KCNQ5: variants seen among roughly 807,000 people sequenced by gnomAD.
The protein encoded by KCNQ5 is potassium voltage-gated channel subfamily Q member 5.
Under a neutral mutation model 98.2 loss-of-function variants are expected in KCNQ5, and 30 were observed. The observed-to-expected ratio is 0.31, with a 90% confidence interval of 0.23 to 0.41. KCNQ5 has a LOEUF of 0.41. Among genes scored for constraint, KCNQ5 ranks in the 10% least tolerant of loss-of-function variants. The pLI, the probability that KCNQ5 is intolerant of heterozygous loss-of-function variation, is 1.00. For missense variants in KCNQ5, 835 were observed against 1,182.5 expected (o/e 0.71, Z 4.31); for synonymous variants, 458 against 449.4 (o/e 1.02, Z -0.24).
chr6:72,784,464 A>G (rs184767412), intron 1 of KCNQ5, among the ~76,000 whole-genome samples: 7 of 152,318 alleles, frequency 4.6e-5, no homozygotes, highest in Non-Finnish European at 8.8e-5. Flanking sequence ...TAGTTACTCT[A>G]TGAGGTAATG....
At chr6:72,838,492 G>A (rs1358546984) in intron 1 of KCNQ5, among the ~76,000 whole-genome samples, 1 of 151,958 alleles carries the variant, frequency 6.6e-6, no homozygotes, top group African/African-American at 2.4e-5. Context: ...TAATTTTCAT[G>A]AATTATGTTT....
chr6:72,767,216 T>TA (rs1437650223), intron 1 of KCNQ5, among the ~76,000 whole-genome samples: 1 of 152,048 alleles, frequency 6.6e-6, no homozygotes, highest in Non-Finnish European at 1.5e-5. Flanking sequence ...ATGAACTTGT[T>TA]AATGCATAAT....
chr6:73,024,771 A>G (rs1245488254), intron 2 of KCNQ5, among the ~76,000 whole-genome samples: 1 of 152,216 alleles, frequency 6.6e-6, no homozygotes, highest in Non-Finnish European at 1.5e-5. Flanking sequence ...TCACTTTCCA[A>G]CAGACAAAAT....
intron 9 of KCNQ5, chr6:73,124,737 T>C (rs1387011335): frequency 1.8e-6 from 1 of 558,090 alleles, no homozygotes; most frequent in African/African-American, 1.9e-5. Flanking sequence ...CTGCAGGGCA[T>C]GGAACATTTG....
chr6:72,979,669 T>C (rs1332496262), intron 1 of KCNQ5, among the ~76,000 whole-genome samples: 1 of 152,234 alleles, frequency 6.6e-6, no homozygotes, highest in East Asian at 1.9e-4. Context: ...ATGCAGAAGC[T>C]CTTAGTTTAA....
chr6:72,950,938 T>C (rs370328587), intron 1 of KCNQ5, among the ~76,000 whole-genome samples: 19 of 152,340 alleles, frequency 1.2e-4, no homozygotes, highest in South Asian at 1.0e-3. Flanking sequence ...AGATTAGATA[T>C]CTGATCCCAA....
chr6:72,703,671 T>C (rs978730020), intron 1 of KCNQ5, among the ~76,000 whole-genome samples: 18 of 152,218 alleles, frequency 1.2e-4, no homozygotes, highest in Non-Finnish European at 2.6e-4. Flanking sequence ...TGTAGACGTA[T>C]GTCAGTATTT....
rs142817117 is a variant in KCNQ5 at position 73,015,190 on chromosome 6, T to A, written c.489+11192T>A. On this transcript the variant is annotated intron_variant, in intron 2 of 13. Transcript: ENST00000370398. ...CTTCTTTAGATTTATCACATCCCTATAATTTACTGCAGAAAGCTCTCAGAA... is the reference window on the plus strand; with the variant it reads ...CTTCTTTAGATTTATCACATCCCTAAAATTTACTGCAGAAAGCTCTCAGAA... 7.8e-4 allele frequency among the ~76,000 whole-genome samples: 119 copies of A among 152,246 alleles called. 1 individual carries two copies. The highest frequency in any genetic ancestry group is 2.7e-3 in the African/African-American group (114 of 41,560).
At chr6:73,021,680 T>C (rs1486221160) in intron 2 of KCNQ5, among the ~76,000 whole-genome samples, 1 of 152,226 alleles carries the variant, frequency 6.6e-6, no homozygotes, top group East Asian at 1.9e-4. Flanking sequence ...TCTCCTGTAC[T>C]AATAGCAAGC....
chr6:72,654,076 G>A (rs941794291), intron 1 of KCNQ5, among the ~76,000 whole-genome samples: 1 of 151,874 alleles, frequency 6.6e-6, no homozygotes, highest in Non-Finnish European at 1.5e-5. Flanking sequence ...CCCAGAATAA[G>A]ACAATAGGAA....
chr6:72,751,245 A>C (rs1315335176), intron 1 of KCNQ5, among the ~76,000 whole-genome samples: 1 of 151,954 alleles, frequency 6.6e-6, no homozygotes, highest in Non-Finnish European at 1.5e-5. Flanking sequence ...GTGTGAGCCA[A>C]GGCATGGACT....
chr6:73,035,531 A>G (rs1384441535), intron 2 of KCNQ5, among the ~76,000 whole-genome samples: 2 of 152,216 alleles, frequency 1.3e-5, no homozygotes, highest in African/African-American at 4.8e-5. Context: ...CAGCAAAGGC[A>G]CCAGAACTTG....
intron 1 of KCNQ5, among the ~76,000 whole-genome samples, chr6:72,961,588 C>G (rs1215766075): frequency 7.0e-6 from 1 of 142,422 alleles, no homozygotes; most frequent in Non-Finnish European, 1.5e-5. Context: ...CGCCACTGCA[C>G]TCCAGCCTGG....
At chr6:73,182,604 T>C (rs1488785363) in intron 11 of KCNQ5, among the ~76,000 whole-genome samples, 1 of 152,310 alleles carries the variant, frequency 6.6e-6, no homozygotes, top group Non-Finnish European at 1.5e-5. Context: ...TTGAAAGACC[T>C]TTTGAATTCG....
intron 1 of KCNQ5, among the ~76,000 whole-genome samples, chr6:72,629,578 A>G (rs2098919715): frequency 6.6e-6 from 1 of 152,240 alleles, no homozygotes; most frequent in Non-Finnish European, 1.5e-5. Flanking sequence ...TAAACAAGAA[A>G]GATAGCCAGC....
At chr6:72,701,933 A>G (rs1203296446) in intron 1 of KCNQ5, among the ~76,000 whole-genome samples, 2 of 152,128 alleles carry the variant, frequency 1.3e-5, no homozygotes, top group South Asian at 2.1e-4. Context: ...GGATCAAGCA[A>G]TCTGCCAGCC....
chr6:72,878,481 G>A (rs1359974026), intron 1 of KCNQ5, among the ~76,000 whole-genome samples: 3 of 151,956 alleles, frequency 2.0e-5, no homozygotes, highest in Non-Finnish European at 4.4e-5. Flanking sequence ...TCACTTCCTG[G>A]TAACAATTAC....
At chr6:73,010,368 C>A (rs1453916979) in intron 2 of KCNQ5, among the ~76,000 whole-genome samples, 1 of 151,916 alleles carries the variant, frequency 6.6e-6, no homozygotes, top group Non-Finnish European at 1.5e-5. Context: ...ACTACCTCAA[C>A]ATGATAAAAG....
chr6:72,703,023 C>T (rs12204989), intron 1 of KCNQ5, among the ~76,000 whole-genome samples: 19,689 of 152,214 alleles, frequency 0.13, 1,356 homozygotes, highest in South Asian at 0.18. Flanking sequence ...CTCTGCGCAG[C>T]CACAAGGCAG....
Sources: allele counts gnomAD v4.1 joint callset (sites outside exome capture counted in the v4.1 genomes callset), GRCh38; gene constraint gnomAD v4.1.1; transcripts MANE v1.5; gene names NCBI Gene and HGNC (gene_info 2026-07-23, HGNC 2026-07-21).